The following MAD1L1 variants were observed in gnomAD, a reference collection of about 807,000 sequenced individuals.
MAD1L1 encodes mitotic arrest deficient 1 like 1, also known as mitotic spindle assembly checkpoint protein MAD1.
Under a neutral mutation model 96.9 loss-of-function variants are expected in MAD1L1, and 95 were observed. The observed-to-expected ratio is 0.98, with a 90% CI of 0.83 to 1.16. The LOEUF (loss-of-function observed/expected upper bound fraction) is 1.16, where lower values mean the gene tolerates loss of function less well. MAD1L1 is among the 50% of genes most tolerant of loss of function. MAD1L1 has a pLI of 0.00. For synonymous variants in MAD1L1, 473 were observed against 396.6 expected, an observed-to-expected ratio of 1.19 and a Z score of -2.29; for missense variants, 1,007 against 954.4, an observed-to-expected ratio of 1.06 and a Z score of -0.73.
intron 11 of MAD1L1, among the ~76,000 whole-genome samples, chr7:2,098,383 C>T (rs1050161317): frequency 6.6e-6 from 1 of 152,192 alleles, no homozygotes; most frequent in African/African-American, 2.4e-5. Flanking sequence ...CAAGAGACCT[C>T]GGGCCCTAAA....
At chr7:2,003,805 C>T (rs934245601) in intron 13 of MAD1L1, among the ~76,000 whole-genome samples, 6 of 152,318 alleles carry the variant, frequency 3.9e-5, no homozygotes, top group Admixed American at 1.3e-4. Flanking sequence ...GCCGTGGCCA[C>T]GCTGGGCTGT....
At chr7:1,847,309 T>C (rs1256897070) in intron 18 of MAD1L1, 3 of 471,086 alleles carry the variant, frequency 6.4e-6, no homozygotes, top group Non-Finnish European at 1.3e-5. Context: ...GCCGCTGGAT[T>C]ACAGAGCAGC....
intron 11 of MAD1L1, among the ~76,000 whole-genome samples, chr7:2,135,347 T>C (rs1482645022): frequency 6.6e-6 from 1 of 152,202 alleles, no homozygotes; most frequent in African/African-American, 2.4e-5. Context: ...CTGAAGAGAT[T>C]TGTAAAAAGT....
intron 11 of MAD1L1, among the ~76,000 whole-genome samples, chr7:2,096,905 G>C (rs116845355): frequency 6.6e-6 from 1 of 152,118 alleles, no homozygotes; most frequent in Non-Finnish European, 1.5e-5. Flanking sequence ...CCGGCCAGCA[G>C]GTCTGCCACT....
At chr7:2,148,768 C>T (rs1026388320) in intron 11 of MAD1L1, 4 of 256,768 alleles carry the variant, frequency 1.6e-5, no homozygotes, top group East Asian at 8.7e-5. Context: ...TTCATGCTGA[C>T]GTGAAGACTC....
chr7:1,853,578 A>C (rs977825781), intron 18 of MAD1L1, among the ~76,000 whole-genome samples: 2 of 151,758 alleles, frequency 1.3e-5, no homozygotes, highest in African/African-American at 2.4e-5. Flanking sequence ...TCCAGCCCCC[A>C]CCCTGCCTGC....
chr7:1,847,413 T>A (rs535390105), intron 18 of MAD1L1: 1 of 470,638 alleles, frequency 2.1e-6, no homozygotes, highest in African/African-American at 2.0e-5. Context: ...GGGGGCCCGA[T>A]GTATCTACCA....
chr7:1,841,328 C>G (rs1783245845), intron 18 of MAD1L1, among the ~76,000 whole-genome samples: 1 of 152,270 alleles, frequency 6.6e-6, no homozygotes, highest in Non-Finnish European at 1.5e-5. Flanking sequence ...TCTGATGCCT[C>G]CCTGGGCTGA....
chr7:1,894,078 G>A (rs547526578), intron 18 of MAD1L1, among the ~76,000 whole-genome samples: 16 of 152,322 alleles, frequency 1.1e-4, no homozygotes, highest in African/African-American at 3.1e-4. Flanking sequence ...GAGCTGCTGC[G>A]AACAGTACAA....
At chr7:1,828,522 T>C (rs899926726) in intron 18 of MAD1L1, among the ~76,000 whole-genome samples, 10 of 152,174 alleles carry the variant, frequency 6.6e-5, no homozygotes, top group Non-Finnish European at 1.2e-4. Context: ...GCCTGCGAAC[T>C]AGGCGGCTCC....
chr7:2,015,724 C>T (rs1782509930), intron 12 of MAD1L1, among the ~76,000 whole-genome samples: 1 of 152,230 alleles, frequency 6.6e-6, no homozygotes, highest in South Asian at 2.1e-4. Context: ...TGCGTGAGCC[C>T]ACAGGAACCA....
chr7:1,816,086 C>CGGCTG lies in MAD1L1; in HGVS notation c.2136_2140dup (p.Arg714ProfsTer94). On this transcript the variant is annotated frameshift_variant, in exon 19 of 19. Transcript: ENST00000265854. LOFTEE classifies it high-confidence loss of function. The stretch of plus-strand genomic sequence containing the variant: ...GCCTGCAGGCTACGCCACGGTCTGG[C>CGGCTG]GGCTGAAGAGCTCGAGGGTGAGCGA... 1.2e-6 allele frequency: 2 copies of CGGCTG among 1,611,054 alleles called. No individual in the cohort carries two copies. Among genetic ancestry groups the CGGCTG allele is most frequent in the Non-Finnish European group, 1.7e-6 (2 of 1,179,010 alleles).
At chr7:2,213,179 G>C (rs1295117587) in intron 10 of MAD1L1, 33 bp downstream of exon 10, 2 of 1,612,138 alleles carry the variant, frequency 1.2e-6, no homozygotes. Context: ...CTTCAAAGAA[G>C]GCGGGACCCC....
At chr7:1,852,621 G>A (rs1784037933) in intron 18 of MAD1L1, among the ~76,000 whole-genome samples, 1 of 152,112 alleles carries the variant, frequency 6.6e-6, no homozygotes, top group Admixed American at 6.5e-5. Flanking sequence ...AGCCCCAGGT[G>A]TTTATTTCCA....
chr7:1,884,648 C>T (rs1785897698), intron 18 of MAD1L1, among the ~76,000 whole-genome samples: 1 of 152,224 alleles, frequency 6.6e-6, no homozygotes, highest in Non-Finnish European at 1.5e-5. Context: ...GTGAGACAGC[C>T]CGAGAGGGGC....
At chr7:1,869,731 G>A (rs905711930) in intron 18 of MAD1L1, among the ~76,000 whole-genome samples, 2 of 152,302 alleles carry the variant, frequency 1.3e-5, no homozygotes, top group South Asian at 2.1e-4. Flanking sequence ...AGGGGGCCGA[G>A]GACCACAGCC....
chr7:1,834,832 A>G (rs1204672925), intron 18 of MAD1L1, among the ~76,000 whole-genome samples: 3 of 152,086 alleles, frequency 2.0e-5, no homozygotes, highest in Non-Finnish European at 4.4e-5. Flanking sequence ...ACTATGATAT[A>G]CAAATCAGAA....
chr7:1,886,817 T>C (rs1480700200), intron 18 of MAD1L1, among the ~76,000 whole-genome samples: 1 of 152,094 alleles, frequency 6.6e-6, no homozygotes, highest in African/African-American at 2.4e-5. Flanking sequence ...AGGTGAGGAG[T>C]GAGCACAGGT....
intron 11 of MAD1L1, among the ~76,000 whole-genome samples, chr7:2,098,369 G>A (rs1383211109): frequency 6.6e-6 from 1 of 152,214 alleles, no homozygotes; most frequent in Non-Finnish European, 1.5e-5. Context: ...AGTCCAGACA[G>A]GAACAAGAGA....
Sources: gnomAD v4.1 joint callset for allele counts (sites outside exome capture counted in the v4.1 genomes callset) on GRCh38, gnomAD v4.1.1 for gene constraint, MANE v1.5 for transcripts, NCBI Gene and HGNC (gene_info 2026-07-23, HGNC 2026-07-21) for gene names.